The following LRP6 variants were observed in gnomAD, a reference collection of about 807,000 sequenced individuals.
LRP6 encodes low-density lipoprotein receptor-related protein 6.
Under a neutral mutation model 184.1 loss-of-function variants are expected in LRP6, and 43 were observed. The observed-to-expected ratio is 0.23, with a 90% CI of 0.18 to 0.30. The LOEUF (loss-of-function observed/expected upper bound fraction) is 0.30. LRP6 is among the 10% of genes least tolerant of loss of function. The pLI, the probability that LRP6 is intolerant of heterozygous loss-of-function variation, is 1.00. For synonymous variants in LRP6, 719 were observed against 684.9 expected, an observed-to-expected ratio of 1.05 and a Z score of -0.78; for missense variants, 1,571 against 2,005.3, an observed-to-expected ratio of 0.78 and a Z score of 4.14.
intron 14 of LRP6, among the ~76,000 whole-genome samples, chr12:12,148,676 T>C (rs536839561): frequency 1.3e-5 from 2 of 152,212 alleles, no homozygotes; most frequent in South Asian, 2.1e-4. Flanking sequence ...GAAAACTTCC[T>C]GGAGGACGTG....
chr12:12,117,285 T>A lies in LRP6; in HGVS notation c.*3841A>T, dbSNP rs1263299492. 6.6e-6 allele frequency: 1 copy of A among 152,230 alleles called. No individual in the cohort carries two copies. Among genetic ancestry groups the A allele is most frequent in the Non-Finnish European group, 1.5e-5 (1 of 68,032 alleles). 9.4% of individuals were successfully genotyped at this position (152,230 alleles called of 1,614,324 possible). A position where few individuals can be genotyped will look rare whatever the true frequency, so the allele number is the denominator to read the frequency against. On this transcript the variant is annotated 3_prime_UTR_variant, in exon 23 of 23. Transcript: ENST00000261349. ...GACTCAGTCCACACTTAGTGCATAG[T>A]CTCATCTGTAGATGCCCAAATATTT...
intron 3 of LRP6, among the ~76,000 whole-genome samples, chr12:12,195,515 C>T (rs766848719): frequency 5.3e-5 from 8 of 152,062 alleles, no homozygotes; most frequent in Admixed American, 1.3e-4. Context: ...CATGTCTATT[C>T]GGATCATTTC....
intron 20 of LRP6, 52 bp downstream of exon 20, chr12:12,126,639 G>T: frequency 7.4e-7 from 1 of 1,347,658 alleles, no homozygotes. Flanking sequence ...ATGGAAACTG[G>T]CAGTCTTGCA....
At chr12:12,172,395 T>C (rs1339090815) in intron 7 of LRP6, among the ~76,000 whole-genome samples, 2 of 152,200 alleles carry the variant, frequency 1.3e-5, no homozygotes, top group African/African-American at 4.8e-5. Flanking sequence ...CATCAGCTCA[T>C]TAAATGTCAA....
chr12:12,254,962 C>T (rs529234995), intron 1 of LRP6, among the ~76,000 whole-genome samples: 1 of 152,156 alleles, frequency 6.6e-6, no homozygotes, highest in Non-Finnish European at 1.5e-5. Flanking sequence ...AAAGTCCAAT[C>T]AGATTCCTTA....
rs1199709845 is a variant in LRP6 at position 12,116,045 on chromosome 12, A to C, written c.*5081T>G. 1.3e-5 allele frequency: 2 copies of C among 152,240 alleles called. No homozygotes were observed. Among genetic ancestry groups the C allele is most frequent in the East Asian group, 3.8e-4 (2 of 5,206 alleles). 9.4% of individuals were successfully genotyped at this position (152,240 alleles called of 1,614,324 possible). ...GACACTTTTACTTTTCCACTGTTTTATTACAAAAATCAAATTTCATTTGTT... is the reference window on the plus strand; with the variant it reads ...GACACTTTTACTTTTCCACTGTTTTCTTACAAAAATCAAATTTCATTTGTT... On this transcript the variant is annotated 3_prime_UTR_variant, in exon 23 of 23. Coordinates refer to ENST00000261349, the MANE Select transcript of LRP6 (RefSeq NM_002336.3).
intron 2 of LRP6, among the ~76,000 whole-genome samples, chr12:12,220,939 CACTTT>C (rs1262058187): frequency 1.3e-5 from 2 of 152,192 alleles, no homozygotes; most frequent in East Asian, 1.9e-4. Flanking sequence ...CCCAAAGCAT[CACTTT>C]AAAGTTCAGA....
intron 18 of LRP6, 143 bp from the exon 19 acceptor site, chr12:12,131,036 C>G: frequency 1.6e-6 from 1 of 607,830 alleles, no homozygotes. Flanking sequence ...CTCTGGAGTT[C>G]CATTGGTTGA....
At chr12:12,231,504 T>C (rs1864787942) in intron 2 of LRP6, among the ~76,000 whole-genome samples, 1 of 152,106 alleles carries the variant, frequency 6.6e-6, no homozygotes, top group Non-Finnish European at 1.5e-5. Context: ...TAGAGTTTGA[T>C]TTATTCTATC....
At chr12:12,244,138 G>A (rs1865129723) in intron 2 of LRP6, 124 bp downstream of exon 2, 2 of 927,806 alleles carry the variant, frequency 2.2e-6, no homozygotes, top group African/African-American at 1.6e-5. Flanking sequence ...CAACAAAGAA[G>A]CCCAAAGAAT....
At chr12:12,129,909 T>C (rs776269053) in intron 19 of LRP6, among the ~76,000 whole-genome samples, 2 of 152,278 alleles carry the variant, frequency 1.3e-5, no homozygotes, top group Non-Finnish European at 2.9e-5. Context: ...TCCATCTTTG[T>C]CCCTAATAAG....
At chr12:12,137,105 A>G (rs1033663982) in intron 16 of LRP6, among the ~76,000 whole-genome samples, 8 of 152,192 alleles carry the variant, frequency 5.3e-5, no homozygotes, top group Admixed American at 2.0e-4. Flanking sequence ...AACTGTACCA[A>G]CATAATGAAC....
In LRP6 at chr12:12,125,426, G is replaced by C; in HGVS notation, c.4319C>G (p.Ser1440Cys). The C allele has an allele frequency of 6.2e-7, 1 of 1,613,730 alleles. No homozygotes were observed. Among genetic ancestry groups the C allele is most frequent in the Non-Finnish European group, 8.5e-7 (1 of 1,179,860 alleles). ...GGAGCTGATCATTGATTTACCTCGA[G>C]ACATTCCTAAAATAAAAGGAGGTTA... ...SSLSGSLPGM[S>C]RGKSMISSLS... Residue 1440 changes from serine to cysteine, a missense_variant, in exon 21 of 23, where the codon TCT becomes TGT. By Grantham distance (112) the Ser-to-Cys change is moderately radical. Around this residue, in one of 4 missense-constraint regions of LRP6, gnomAD observed 763 missense variants for 859.5 expected, o/e 0.89. Coordinates refer to ENST00000261349, the MANE Select transcript of LRP6 (RefSeq NM_002336.3).
chr12:12,251,531 T>A (rs1042772763), intron 1 of LRP6, among the ~76,000 whole-genome samples: 1 of 151,576 alleles, frequency 6.6e-6, no homozygotes, highest in African/African-American at 2.4e-5. Flanking sequence ...GCACGGCTAA[T>A]TTTTTTTGCA....
At chr12:12,193,482 T>C (rs796680365) in intron 3 of LRP6, among the ~76,000 whole-genome samples, 66 of 150,150 alleles carry the variant, frequency 4.4e-4, no homozygotes, top group African/African-American at 1.6e-3. Flanking sequence ...TTGACAACCC[T>C]TTAGTGCTAG....
chr12:12,134,892 C>T (rs1381550792), intron 17 of LRP6, among the ~76,000 whole-genome samples: 1 of 152,104 alleles, frequency 6.6e-6, no homozygotes, highest in Non-Finnish European at 1.5e-5. Flanking sequence ...GGAAGTCATC[C>T]TGTTAAGTGA....
intron 15 of LRP6, among the ~76,000 whole-genome samples, chr12:12,143,849 A>G (rs757113188): frequency 6.6e-6 from 1 of 152,204 alleles, no homozygotes; most frequent in Non-Finnish European, 1.5e-5. Context: ...ATTGCTATAC[A>G]TTTATGTGGT....
chr12:12,232,397 A>AG (rs1037384336), intron 2 of LRP6, among the ~76,000 whole-genome samples: 14 of 151,984 alleles, frequency 9.2e-5, no homozygotes, highest in African/African-American at 3.4e-4. Context: ...AAAAAAAAAA[A>AG]AAATTTAAGT....
At chr12:12,155,603 G>GTTATCAGAAAAAGAAGGAAAA (rs1394353326) in intron 12 of LRP6, 4 of 804,618 alleles carry the variant, frequency 5.0e-6, no homozygotes, top group African/African-American at 1.7e-5. Context: ...AAAATGGAAA[G>GTTATCAGAAAAAGAAGGAAAA]TTATCAGAAA....
Sources: gnomAD v4.1 joint callset for allele counts (sites outside exome capture counted in the v4.1 genomes callset) on GRCh38, gnomAD v4.1.1 for gene constraint, gnomAD v4.1.1 regional missense constraint, MANE v1.5 for transcripts, NCBI Gene and HGNC (gene_info 2026-07-23, HGNC 2026-07-21) for gene names.